Variants in HSPA8 observed in about 807,000 individuals in gnomAD.
The protein encoded by HSPA8 is heat shock cognate 71 kDa protein.
In HSPA8, 2 loss-of-function variants were observed where a neutral mutation model predicts 52.8. That is an observed-to-expected ratio of 0.04 (90% CI 0.02 to 0.12). HSPA8 has a LOEUF of 0.12. Ranked by LOEUF, HSPA8 falls within the 10% of genes least tolerant of loss-of-function variation. The pLI is 1.00. For missense variants in HSPA8, 349 were observed against 800.5 expected (o/e 0.44, Z 6.81); for synonymous variants, 436 against 274.0 (o/e 1.59, Z -5.84).
chr11:123,061,172 G>T lies in HSPA8; in HGVS notation c.153C>A (p.Ile51=), dbSNP rs376156706. ...YVAFTDTERL[I]GDAAKNQVAM... is the part of the protein sequence containing the mutation. ...CAACTTGATTCTTTGCGGCATCACC[G>T]ATCAACCGTTCAGTGTCCGTAAAGG... Residue 51 remains isoleucine, a synonymous_variant, in exon 2 of 9, where the codon ATC becomes ATA. Coordinates refer to ENST00000534624, the MANE Select transcript of HSPA8 (RefSeq NM_006597.6). The T allele has an allele frequency of 5.0e-6, 8 of 1,613,828 alleles. No homozygotes were observed. The East Asian group carries it at 1.1e-4, about 22-fold the overall frequency.
chr11:123,061,046 T>TC (rs751780490), intron 2 of HSPA8, 74 bp downstream of exon 2: 53 of 1,317,078 alleles, frequency 4.0e-5, no homozygotes, highest in Non-Finnish European at 5.5e-5. Context: ...AAAAGTTCCC[T>TC]CCTCACGTTT....
At chr11:123,059,361 G>A (rs1403941601) in intron 5 of HSPA8, 100 bp from the exon 6 acceptor site, 19 of 1,343,730 alleles carry the variant, frequency 1.4e-5, no homozygotes, top group Non-Finnish European at 1.9e-5. Context: ...GGAAGGTGTT[G>A]CCATCATTAG....
Position 123,057,999 on chromosome 11 carries a change from A to G in HSPA8, c.1756-80T>C, listed in dbSNP as rs1479332154. On this transcript the variant is annotated intron_variant, in intron 8 of 8. Coordinates refer to ENST00000534624, the MANE Select transcript of HSPA8 (RefSeq NM_006597.6). Reference sequence around the variant, plus strand: ...TTTCTCCCTGACGCAATCTGATACTAAAAGTCTGGCGCAAACTCTTACAAG... The same window carrying G: ...TTTCTCCCTGACGCAATCTGATACTGAAAGTCTGGCGCAAACTCTTACAAG... 8 of 1,186,782 alleles carry G rather than the reference A, an allele frequency of 6.7e-6. No homozygotes were observed. The Admixed American group carries it at 6.9e-5, about 10-fold the overall frequency. The allele number at this position is 1,186,782 out of a possible 1,614,324, so 73.5% of individuals were successfully genotyped here.
At position 123,059,279 on chromosome 11, in the gene HSPA8, A is replaced by T. The variant is rs548113649; in HGVS notation, c.1121-18T>A. 4.6e-5 allele frequency: 74 copies of T among 1,604,448 alleles called. No homozygotes were observed. The East Asian group carries it at 1.5e-3, about 33-fold the overall frequency. The stretch of plus-strand genomic sequence containing the variant: ...CTGGACAGCTAGCAAACAAAAAGTT[A>T]ACGTTAAAAGAAGTTAAAAGAAAAC... On this transcript the variant is annotated intron_variant, in intron 5 of 8. Transcript: ENST00000534624.
At chr11:123,062,258 G>A (rs895228795), upstream of HSPA8, 1 of 153,304 alleles carries the variant, frequency 6.5e-6, no homozygotes, top group Admixed American at 6.5e-5. Context: ...GCCCTTACAA[G>A]ACCCAATCAC....
chr11:123,058,157 T>C, intron 8 of HSPA8, 95 bp downstream of exon 8: 2 of 860,252 alleles, frequency 2.3e-6, no homozygotes, highest in South Asian at 1.6e-5. Context: ...CATTCATCAT[T>C]GTGACCCTAC....
In HSPA8 at chr11:123,059,393, CGAA is replaced by C. The variant is rs770829808; in HGVS notation, c.1120+77_1120+79del. 2.6e-5 allele frequency: 36 copies of C among 1,405,942 alleles called. 1 individual carries two copies. In the Middle Eastern group the frequency reaches 5.4e-4, roughly 21 times the overall value. 87.1% of individuals were successfully genotyped at this position (1,405,942 alleles called of 1,614,324 possible). On this transcript the variant is annotated intron_variant, in intron 5 of 8. Transcript: ENST00000534624. ...TTAGCCAAGCTTTTGGTGGAAACTA[CGAA>C]TGTTTAACAATCACTCATCACAGCG...
rs1455304305 is a variant in HSPA8 at position 123,058,503 on chromosome 11, C to T, written c.1523-19G>A. ...AAACGGCCTAGGAAAGAAATTAACT[C>T]TAAGTAAAAGCCTTAAATTACCTGT... On this transcript the variant is annotated intron_variant, in intron 7 of 8. Coordinates refer to ENST00000534624, the MANE Select transcript of HSPA8 (RefSeq NM_006597.6). 1.2e-6 allele frequency: 2 copies of T among 1,609,176 alleles called. No homozygotes were observed. Among genetic ancestry groups the T allele is most frequent in the African/African-American group, 1.3e-5 (1 of 74,798 alleles).
chr11:123,061,633 G>A (rs760335060), intron 1 of HSPA8: 72 of 429,672 alleles, frequency 1.7e-4, no homozygotes, highest in Non-Finnish European at 2.7e-4. Flanking sequence ...AGGTGCCAGT[G>A]CCCCCGGGAG....
At chr11:123,059,015 T>C (rs753270496) in intron 6 of HSPA8, 44 bp downstream of exon 6, 7 of 1,542,480 alleles carry the variant, frequency 4.5e-6, no homozygotes, top group Non-Finnish European at 6.3e-6. Context: ...GACTTCCCTT[T>C]ATCTGTTATC....
intron 5 of HSPA8, 37 bp downstream of exon 5, chr11:123,059,436 T>G (rs375764038): frequency 3.2e-6 from 5 of 1,561,022 alleles, no homozygotes; most frequent in Non-Finnish European, 4.4e-6. Context: ...ACCTTGGGCC[T>G]GCCTGCCTTT....
At chr11:123,059,016 A>G in intron 6 of HSPA8, 43 bp downstream of exon 6, 3 of 1,543,626 alleles carry the variant, frequency 1.9e-6, no homozygotes, top group Non-Finnish European at 2.7e-6. Context: ...ACTTCCCTTT[A>G]TCTGTTATCA....
intron 1 of HSPA8, 126 bp from the exon 2 acceptor site, chr11:123,061,455 C>T (rs984037097): frequency 4.1e-6 from 3 of 726,630 alleles, no homozygotes; most frequent in Non-Finnish European, 6.9e-6. Flanking sequence ...CCATCACCTC[C>T]TGTCTAAGCA....
In HSPA8 at chr11:123,061,671, G is replaced by A. The variant is rs573572471; in HGVS notation, c.-5-342C>T. On this transcript the variant is annotated intron_variant, in intron 1 of 8. Transcript: ENST00000534624. ...AACGGGCTTTTAACTACTCCGGAATGTACCCCCATACTGGAAGCACGCCAA... is the reference window on the plus strand; with the variant it reads ...AACGGGCTTTTAACTACTCCGGAATATACCCCCATACTGGAAGCACGCCAA... 163 of 349,276 alleles carry A rather than the reference G, an allele frequency of 4.7e-4. 1 individual carries two copies. Among genetic ancestry groups the A allele is most frequent in the African/African-American group, 3.1e-3 (150 of 47,660 alleles). The allele number at this position is 349,276 out of a possible 1,614,324, so 21.6% of individuals were successfully genotyped here.
chr11:123,059,277 T>C lies in HSPA8; in HGVS notation c.1121-16A>G, dbSNP rs376026739. 1.1e-5 allele frequency: 18 copies of C among 1,605,800 alleles called. No individual in the cohort carries two copies. Among genetic ancestry groups the C allele is most frequent in the Non-Finnish European group, 1.5e-5 (18 of 1,174,410 alleles). On this transcript the variant is annotated splice_polypyrimidine_tract_variant and intron_variant, in intron 5 of 8. Coordinates refer to ENST00000534624, the MANE Select transcript of HSPA8 (RefSeq NM_006597.6). ...GCCTGGACAGCTAGCAAACAAAAAG[T>C]TAACGTTAAAAGAAGTTAAAAGAAA... is the stretch of plus-strand genomic sequence containing the variant.
rs1328280148 is a variant in HSPA8 at position 123,060,744 on chromosome 11, A to C, written c.260T>G (p.Met87Arg). 1 of 1,614,106 alleles carries C rather than the reference A, an allele frequency of 6.2e-7. No individual in the cohort carries two copies. The highest frequency in any genetic ancestry group is 1.7e-5 in the Admixed American group (1 of 60,014). The change falls in exon 3 of 9, where the codon ATG becomes AGG. Residue 87 changes from methionine to arginine, a missense_variant. Coordinates refer to ENST00000534624, the MANE Select transcript of HSPA8 (RefSeq NM_006597.6). Reference protein sequence around the residue: ...RFDDAVVQSDMKHWPFMVVND... With the variant: ...RFDDAVVQSDRKHWPFMVVND... ...CACCACCATAAAGGGCCAATGTTTCATATCAGACTGGACAACAGCATCATC... is the reference window on the plus strand; with the variant it reads ...CACCACCATAAAGGGCCAATGTTTCCTATCAGACTGGACAACAGCATCATC...
At position 123,059,043 on chromosome 11, in the gene HSPA8, A is replaced by T. The variant is rs1363327105; in HGVS notation, c.1323+16T>A. 1.9e-6 allele frequency: 3 copies of T among 1,604,144 alleles called. No individual in the cohort carries two copies. The highest frequency in any genetic ancestry group is 1.7e-5 in the Admixed American group (1 of 59,960). ...CTGTTATCAGTAAGCCAAACAAGAG[A>T]AGTACAGAAACATACCTGAATAAGC... On this transcript the variant is annotated intron_variant, in intron 6 of 8. Transcript: ENST00000534624.
intron 3 of HSPA8, 93 bp downstream of exon 3, chr11:123,060,500 T>C: frequency 9.7e-7 from 1 of 1,033,632 alleles, no homozygotes. Context: ...GAGCCCCATC[T>C]GTTCCCCTCC....
chr11:123,058,131 C>G (rs1865365482), intron 8 of HSPA8, 121 bp downstream of exon 8: 2 of 759,122 alleles, frequency 2.6e-6, no homozygotes. Context: ...TGGTGGAAAC[C>G]GCGAATGTTT....
Sources: gnomAD v4.1 joint callset for allele counts on GRCh38, gnomAD v4.1.1 for gene constraint, MANE v1.5 for transcripts, NCBI Gene and HGNC (gene_info 2026-07-23, HGNC 2026-07-21) for gene names.